The following NLRP5 variants were observed in gnomAD, a reference collection of about 807,000 sequenced individuals.
NLRP5 encodes NACHT, LRR and PYD domains-containing protein 5.
In NLRP5, 93 loss-of-function variants were observed where a neutral mutation model predicts 113.1. The observed-to-expected ratio is 0.82, with a 90% CI of 0.70 to 0.98. NLRP5 has a LOEUF of 0.98. Ranked by LOEUF, NLRP5 falls within the 50% of genes least tolerant of loss-of-function variation. The probability of loss-of-function intolerance (pLI) is 0.00; values close to 1 mark genes in which losing one functional copy is unlikely to be tolerated. For missense variants in NLRP5, 1,808 were observed against 1,514.3 expected, an observed-to-expected ratio of 1.19 and a Z score of -3.22; for synonymous variants, 751 against 600.7, an observed-to-expected ratio of 1.25 and a Z score of -3.66.
chr19:55,989,944 G>A, the NLRP5 span, among the ~76,000 whole-genome samples: 12 of 152,176 alleles, frequency 7.9e-5, no homozygotes, highest in South Asian at 1.2e-3. Flanking sequence ...ACAAAGCAGC[G>A]TCCAGTCACA....
chr19:55,997,678 C>T (rs552499216), upstream of NLRP5, among the ~76,000 whole-genome samples: 36 of 143,200 alleles, frequency 2.5e-4, no homozygotes, highest in African/African-American at 1.0e-3. Context: ...CCAAAAATAC[C>T]AAAATACCAA....
chr19:56,028,131 T>C lies in NLRP5; in HGVS notation c.1898T>C (p.Met633Thr), dbSNP rs1982948539. 1.2e-6 allele frequency: 2 copies of C among 1,613,910 alleles called. No homozygotes were observed. The highest frequency in any genetic ancestry group is 3.3e-5 in the Admixed American group (2 of 60,008). ...GGCTTCCATATCCACTCGCTTTGGA[T>C]GAAGCGTTTCTTGTTTGGCCTCGTG... Residue 633 changes from methionine (M) to threonine (T), a missense_variant, in exon 7 of 15, where the codon ATG becomes ACG. Transcript: ENST00000390649.
At chr19:56,002,078 A>C (rs1038509013) in intron 1 of NLRP5, among the ~76,000 whole-genome samples, 2 of 152,132 alleles carry the variant, frequency 1.3e-5, no homozygotes, top group African/African-American at 4.8e-5. Context: ...CAACTCGGGG[A>C]GGTAATTGAT....
At chr19:55,988,266 G>C in the NLRP5 span, 1 of 166,908 alleles carries the variant, frequency 6.0e-6, no homozygotes, top group Non-Finnish European at 1.3e-5. Context: ...GTGGTGGTGG[G>C]CTCCTGTAAT....
intron 9 of NLRP5, among the ~76,000 whole-genome samples, chr19:56,036,854 G>A (rs1983336627): frequency 6.6e-6 from 1 of 152,198 alleles, no homozygotes; most frequent in Non-Finnish European, 1.5e-5. Context: ...CTACTTGGGA[G>A]ACTGAGGCAG....
At chr19:56,041,766 G>C (rs1399379512) in intron 11 of NLRP5, among the ~76,000 whole-genome samples, 1 of 152,094 alleles carries the variant, frequency 6.6e-6, no homozygotes, top group Non-Finnish European at 1.5e-5. Context: ...TGGCCAACAT[G>C]GTGAAATCCC....
intron 6 of NLRP5, among the ~76,000 whole-genome samples, chr19:56,025,157 T>C (rs1982789554): frequency 2.0e-5 from 3 of 152,140 alleles, no homozygotes; most frequent in Admixed American, 2.0e-4. Flanking sequence ...TCCTACATTA[T>C]GGTGAGTTGT....
chr19:55,988,834 C>G, the NLRP5 span, among the ~76,000 whole-genome samples: 2 of 152,104 alleles, frequency 1.3e-5, no homozygotes, highest in Non-Finnish European at 2.9e-5. Context: ...ATTTCATTGC[C>G]TAAGTTGAGA....
At chr19:55,987,275 C>CG in the NLRP5 span, among the ~76,000 whole-genome samples, 1 of 152,164 alleles carries the variant, frequency 6.6e-6, no homozygotes, top group African/African-American at 2.4e-5. Context: ...GAGGCTGAGA[C>CG]GGGAGAATCG....
Position 56,061,409 on chromosome 19 carries a change from C to G in NLRP5, c.3484C>G (p.Gln1162Glu), listed in dbSNP as rs1568507405. The G allele has an allele frequency of 4.3e-6, 7 of 1,613,924 alleles. No individual in the cohort carries two copies. The highest frequency in any genetic ancestry group is 1.3e-5 in the African/African-American group (1 of 75,034). ...CTGCCTCCCCAGGCTGTGGAAATGG[C>G]AGTACCCTGTGCAAATAAGGAAGCT... Residue 1162 changes from glutamine (Q) to glutamate (E), a missense_variant, in exon 15 of 15, where the codon CAG becomes GAG. Physicochemically the swap from Gln to Glu is conservative, Grantham distance 29. Transcript: ENST00000390649.
the NLRP5 span, among the ~76,000 whole-genome samples, chr19:55,987,366 T>C: frequency 2.6e-5 from 4 of 152,226 alleles, no homozygotes; most frequent in African/African-American, 9.6e-5. Context: ...TGAGACTTCG[T>C]CTCAAGTAAA....
chr19:56,031,070 GTGGGAAGGTATACACTCAGACAC>G (rs1983093440), intron 7 of NLRP5, among the ~76,000 whole-genome samples: 1 of 85,038 alleles, frequency 1.2e-5, no homozygotes, highest in Non-Finnish European at 3.3e-5. Context: ...GTTCACAAAC[GTGGGAAGGTATACACTCAGACAC>G]GTGGGAAGGT....
intron 3 of NLRP5, among the ~76,000 whole-genome samples, chr19:56,010,799 T>TAA (rs143088636): frequency 7.2e-6 from 1 of 137,956 alleles, no homozygotes; most frequent in African/African-American, 2.7e-5. Flanking sequence ...GTTTTTTTTT[T>TAA]ATCAAGCTAT....
At chr19:56,044,516 C>T (rs1388732562) in intron 11 of NLRP5, among the ~76,000 whole-genome samples, 3 of 152,120 alleles carry the variant, frequency 2.0e-5, no homozygotes, top group Non-Finnish European at 2.9e-5. Context: ...GTTGAAGATC[C>T]GTTGGCTGTA....
chr19:56,018,415 T>G (rs941760599), intron 4 of NLRP5, among the ~76,000 whole-genome samples: 1 of 152,206 alleles, frequency 6.6e-6, no homozygotes, highest in African/African-American at 2.4e-5. Flanking sequence ...AGCTACTATA[T>G]GCCAGAGGCT....
At position 56,030,096 on chromosome 19, in the gene NLRP5, G is replaced by A. The variant is rs572445555; in HGVS notation, c.2276+1587G>A. Among the ~76,000 whole-genome samples the A allele has an allele frequency of 5.9e-5, 9 of 151,290 alleles. No individual in the cohort carries two copies. In the East Asian group the frequency reaches 7.8e-4, roughly 13 times the overall value. ...CTCAAATTATCACATGGGGCTGGGC[G>A]CGGTGGCTCATGCCTGTAATCCTAG... On this transcript the variant is annotated intron_variant, in intron 7 of 14. Transcript: ENST00000390649.
intron 14 of NLRP5, among the ~76,000 whole-genome samples, chr19:56,059,737 G>A (rs1984285507): frequency 6.6e-6 from 1 of 152,116 alleles, no homozygotes; most frequent in African/African-American, 2.4e-5. Context: ...TTTTCACCAG[G>A]CTGGTCTCAA....
chr19:56,034,064 C>T (rs1308351521), intron 9 of NLRP5, among the ~76,000 whole-genome samples: 2 of 152,144 alleles, frequency 1.3e-5, no homozygotes, highest in African/African-American at 4.8e-5. Flanking sequence ...GCCACCATAC[C>T]CAGCGAGATT....
upstream of NLRP5, among the ~76,000 whole-genome samples, chr19:55,996,209 T>G (rs1981319341): frequency 6.6e-6 from 1 of 152,220 alleles, no homozygotes; most frequent in African/African-American, 2.4e-5. Context: ...GCACCCTGTG[T>G]GCCAGTTCTT....
Sources: gnomAD v4.1 joint callset for allele counts (sites outside exome capture counted in the v4.1 genomes callset) on GRCh38, gnomAD v4.1.1 for gene constraint, MANE v1.5 for transcripts, NCBI Gene and HGNC (gene_info 2026-07-23, HGNC 2026-07-21) for gene names.